SYT16: variants seen among roughly 807,000 people sequenced by gnomAD.
SYT16 encodes synaptotagmin 16, also known as synaptotagmin-16.
SYT16 carries 42 observed loss-of-function variants against 61.4 expected under a neutral mutation model. The ratio of observed to expected loss-of-function variants is 0.68; its 90% CI spans 0.53 to 0.89. SYT16 has a LOEUF of 0.89. Among genes scored for constraint, SYT16 ranks in the 40% least tolerant of loss-of-function variants. The pLI, the probability that SYT16 is intolerant of heterozygous loss-of-function variation, is 0.00. For missense variants in SYT16, 804 were observed against 807.3 expected (o/e 1.00, Z 0.05); for synonymous variants, 314 against 302.3 (o/e 1.04, Z -0.40).
At chr14:62,039,311 T>A (rs546826907) in intron 3 of SYT16, among the ~76,000 whole-genome samples, 1 of 152,214 alleles carries the variant, frequency 6.6e-6, no homozygotes, top group South Asian at 2.1e-4. Flanking sequence ...TTGGTCATTA[T>A]GAATAGAATG....
intron 1 of SYT16, among the ~76,000 whole-genome samples, chr14:61,859,089 G>A (rs1190031806): frequency 2.0e-5 from 3 of 151,822 alleles, no homozygotes; most frequent in Non-Finnish European, 4.4e-5. Context: ...TTGATCTCCT[G>A]ACCTCATGAT....
intron 1 of SYT16, among the ~76,000 whole-genome samples, chr14:61,933,663 C>A (rs1366630633): frequency 1.3e-5 from 2 of 152,176 alleles, no homozygotes; most frequent in Non-Finnish European, 2.9e-5. Flanking sequence ...AGCTAAAGGG[C>A]TAGTTGTGTG....
intron 1 of SYT16, among the ~76,000 whole-genome samples, chr14:61,947,470 C>T (rs2050492995): frequency 6.6e-6 from 1 of 152,142 alleles, no homozygotes; most frequent in African/African-American, 2.4e-5. Context: ...GAGCCATGTG[C>T]TTGTTAGAGC....
chr14:61,818,309 T>C (rs2045504821), intron 1 of SYT16, among the ~76,000 whole-genome samples: 1 of 152,186 alleles, frequency 6.6e-6, no homozygotes, highest in Admixed American at 6.5e-5. Flanking sequence ...ATCATGATGC[T>C]TCACTGCCCC....
chr14:62,092,331 A>G (rs2057115598), intron 7 of SYT16, among the ~76,000 whole-genome samples: 1 of 152,062 alleles, frequency 6.6e-6, no homozygotes. Context: ...ACAGTTCCTG[A>G]AAAGATGAAA....
chr14:61,989,368 G>A (rs2052452600), intron 2 of SYT16, among the ~76,000 whole-genome samples: 1 of 152,082 alleles, frequency 6.6e-6, no homozygotes, highest in Non-Finnish European at 1.5e-5. Flanking sequence ...TTTGAGACCA[G>A]CCTGGCCAAC....
At chr14:61,972,636 C>A (rs1172710037) in intron 2 of SYT16, among the ~76,000 whole-genome samples, 1 of 152,198 alleles carries the variant, frequency 6.6e-6, no homozygotes, top group Non-Finnish European at 1.5e-5. Context: ...GCTTCTACCC[C>A]ATATTGTGTC....
rs1459561095 is a variant in SYT16, at chr14:62,102,018, A to C, written c.*1311A>C. The C allele has an allele frequency of 6.6e-6, 1 of 152,212 alleles. No individual in the cohort carries two copies. Among genetic ancestry groups the C allele is most frequent in the Non-Finnish European group, 1.5e-5 (1 of 68,022 alleles). 9.4% of individuals were successfully genotyped at this position (152,212 alleles called of 1,614,324 possible). On this transcript the variant is annotated 3_prime_UTR_variant, in exon 8 of 8. Coordinates refer to ENST00000683842, the MANE Select transcript of SYT16 (RefSeq NM_001367656.1). Reference sequence around the variant, plus strand: ...TACTTTAAATTGGCATTAATAAAAAAATAGGGAAAGAATGTATGTACATTT... The same window carrying C: ...TACTTTAAATTGGCATTAATAAAAACATAGGGAAAGAATGTATGTACATTT...
At chr14:61,896,157 C>T (rs1243178685) in intron 1 of SYT16, among the ~76,000 whole-genome samples, 6 of 151,908 alleles carry the variant, frequency 3.9e-5, no homozygotes, top group Non-Finnish European at 8.8e-5. Flanking sequence ...CTTCTCTGGC[C>T]CTGTGCTTTG....
chr14:61,917,428 C>G (rs1161073712), intron 1 of SYT16, among the ~76,000 whole-genome samples: 1 of 152,096 alleles, frequency 6.6e-6, no homozygotes, highest in African/African-American at 2.4e-5. Flanking sequence ...AGAGCCAGTT[C>G]TAAGATTTTT....
chr14:61,973,172 C>A (rs1022979038), intron 2 of SYT16, among the ~76,000 whole-genome samples: 3 of 152,096 alleles, frequency 2.0e-5, no homozygotes, highest in Non-Finnish European at 4.4e-5. Context: ...ATTTTCCAAA[C>A]CTACTATGCA....
intron 2 of SYT16, among the ~76,000 whole-genome samples, chr14:61,977,008 G>A (rs569071046): frequency 6.6e-6 from 1 of 152,200 alleles, no homozygotes; most frequent in South Asian, 2.1e-4. Context: ...CCTAGGGCAG[G>A]GGCAAAAGGC....
intron 1 of SYT16, among the ~76,000 whole-genome samples, chr14:61,949,634 T>G (rs909286010): frequency 1.3e-4 from 20 of 152,140 alleles, no homozygotes; most frequent in Non-Finnish European, 2.9e-5. Context: ...GATTCTTGTA[T>G]TCTTAACCAA....
chr14:61,816,749 C>T (rs900821435), intron 1 of SYT16, among the ~76,000 whole-genome samples: 6 of 152,044 alleles, frequency 3.9e-5, no homozygotes, highest in African/African-American at 1.4e-4. Flanking sequence ...CGGTGGCTCA[C>T]GCCTGTAATC....
At chr14:61,852,565 CTATT>C (rs1251116170) in intron 1 of SYT16, among the ~76,000 whole-genome samples, 5 of 152,154 alleles carry the variant, frequency 3.3e-5, no homozygotes, top group Admixed American at 1.3e-4. Context: ...GAATGTTTCT[CTATT>C]TATTTGTGTC....
intron 1 of SYT16, among the ~76,000 whole-genome samples, chr14:61,941,837 T>G (rs761805019): frequency 6.6e-6 from 1 of 152,232 alleles, no homozygotes; most frequent in Non-Finnish European, 1.5e-5. Flanking sequence ...TGTGAACAAT[T>G]GAAAGGATTT....
At chr14:62,034,642 C>G (rs997020653) in intron 3 of SYT16, among the ~76,000 whole-genome samples, 1 of 150,080 alleles carries the variant, frequency 6.7e-6, no homozygotes, top group African/African-American at 2.5e-5. Flanking sequence ...GCAATGTCCA[C>G]AATAGGCCAT....
At chr14:62,093,788 T>C (rs1404212295) in intron 7 of SYT16, among the ~76,000 whole-genome samples, 5 of 152,140 alleles carry the variant, frequency 3.3e-5, no homozygotes, top group Non-Finnish European at 7.4e-5. Flanking sequence ...TCTTCATTAC[T>C]GACAAAAATC....
intron 3 of SYT16, among the ~76,000 whole-genome samples, chr14:62,048,999 G>A (rs1477332428): frequency 2.0e-5 from 3 of 152,138 alleles, no homozygotes; most frequent in Admixed American, 2.0e-4. Flanking sequence ...GGTCTGCTTG[G>A]TGCAGAGCTG....
Sources: allele counts gnomAD v4.1 joint callset (sites outside exome capture counted in the v4.1 genomes callset), GRCh38; gene constraint gnomAD v4.1.1; transcripts MANE v1.5; gene names NCBI Gene and HGNC (gene_info 2026-07-23, HGNC 2026-07-21).